The following ASB15 variants were observed in gnomAD, a reference collection of about 807,000 sequenced individuals.
ASB15 encodes ankyrin repeat and SOCS box protein 15.
In ASB15, 54 loss-of-function variants were observed where a neutral mutation model predicts 58.0. The observed-to-expected ratio is 0.93, with a 90% CI of 0.75 to 1.17. The LOEUF (loss-of-function observed/expected upper bound fraction) is 1.17. ASB15 is among the 50% of genes most tolerant of loss of function. The probability of loss-of-function intolerance (pLI) is 0.00; values close to 1 mark genes in which losing one functional copy is unlikely to be tolerated. For missense variants in ASB15, 680 were observed against 707.4 expected (o/e 0.96, Z 0.44); for synonymous variants, 249 against 262.4 (o/e 0.95, Z 0.50).
Position 123,602,629 on chromosome 7 carries a change from T to C in ASB15, c.-245+715T>C, listed in dbSNP as rs59845531. On this transcript the variant is annotated intron_variant, in intron 1 of 11. Coordinates refer to ENST00000451215, the MANE Select transcript of ASB15 (RefSeq NM_001290258.2). ...TAATTTATTGTGATAAAAATTATAA[T>C]TTTACACTTCAGTTATTTTATGAGA... Among the ~76,000 whole-genome samples, 1,141 of 152,322 alleles carry C rather than the reference T, an allele frequency of 7.5e-3. 15 individuals carry two copies. The highest frequency in any genetic ancestry group is 0.026 in the African/African-American group (1,089 of 41,582).
intron 3 of ASB15, chr7:123,612,227 CAGAT>C (rs1800507918): frequency 6.6e-6 from 1 of 152,190 alleles, no homozygotes; most frequent in Non-Finnish European, 1.5e-5. Context: ...TGCTGGCTGA[CAGAT>C]TCAGTACTTG....
chr7:123,576,445 C>T (rs1799067875), intron 1 of ASB15, among the ~76,000 whole-genome samples: 1 of 152,104 alleles, frequency 6.6e-6, no homozygotes, highest in South Asian at 2.1e-4. Context: ...AAAAGTTTTG[C>T]TTTTTTCTAT....
intron 3 of ASB15, among the ~76,000 whole-genome samples, chr7:123,613,492 G>T (rs1202291061): frequency 6.6e-6 from 1 of 152,100 alleles, no homozygotes; most frequent in African/African-American, 2.4e-5. Flanking sequence ...GAGTAAAATA[G>T]TAAATTCATT....
In ASB15 at chr7:123,601,922, T is replaced by G. The variant is rs1584754311; in HGVS notation, c.-245+8T>G. On this transcript the variant is annotated splice_region_variant and intron_variant, in intron 1 of 11. Transcript: ENST00000451215. ...AGATGATCATTCCAAAAGGTGAGAT[T>G]ATGAAATATTTGATCTGTACCTCAC... The G allele has an allele frequency of 6.6e-6, 1 of 152,172 alleles. No homozygotes were observed. Among genetic ancestry groups the G allele is most frequent in the South Asian group, 2.1e-4 (1 of 4,826 alleles). The allele number at this position is 152,172 out of a possible 1,614,324, so 9.4% of individuals were successfully genotyped here.
rs139504989 is a variant in ASB15 at position 123,627,570 on chromosome 7, C to T, written c.869+289C>T. On this transcript the variant is annotated intron_variant, in intron 9 of 11. Transcript: ENST00000451215. ...ATTCTGCACAAGCCACTCAAGAGTG[C>T]CTTTCTGTTTACAAATGTATTTAAC... 1.4e-3 allele frequency among the ~76,000 whole-genome samples: 210 copies of T among 152,286 alleles called. 1 individual carries two copies. Among genetic ancestry groups the T allele is most frequent in the African/African-American group, 4.8e-3 (198 of 41,558 alleles).
intron 1 of ASB15, among the ~76,000 whole-genome samples, chr7:123,568,468 C>T (rs959364650): frequency 6.7e-5 from 10 of 149,540 alleles, no homozygotes; most frequent in African/African-American, 2.5e-4. Flanking sequence ...TTGCAGTGAG[C>T]AGAGATCGTG....
intron 6 of ASB15, 82 bp from the exon 7 acceptor site, chr7:123,617,497 A>G: frequency 2.4e-6 from 3 of 1,242,960 alleles, no homozygotes; most frequent in Non-Finnish European, 3.4e-6. Context: ...TCCGATGTAT[A>G]TAATATTGGA....
chr7:123,631,525 T>G (rs1802115735), intron 11 of ASB15, among the ~76,000 whole-genome samples: 1 of 152,126 alleles, frequency 6.6e-6, no homozygotes, highest in African/African-American at 2.4e-5. Flanking sequence ...CCCTATGCAT[T>G]CTTGAAAACC....
At chr7:123,636,315 G>A (rs1802424662) in intron 11 of ASB15, among the ~76,000 whole-genome samples, 1 of 152,060 alleles carries the variant, frequency 6.6e-6, no homozygotes, top group African/African-American at 2.4e-5. Context: ...TATTTTTTGA[G>A]AATATACAAG....
At chr7:123,577,820 C>A (rs1246689721) in intron 1 of ASB15, among the ~76,000 whole-genome samples, 1 of 152,066 alleles carries the variant, frequency 6.6e-6, no homozygotes, top group African/African-American at 2.4e-5. Context: ...CAAAGACATT[C>A]TAGACATCAT....
intron 7 of ASB15, among the ~76,000 whole-genome samples, chr7:123,623,971 GAAAGAAAGAAAGAA>G (rs1801578950): frequency 7.4e-6 from 1 of 134,640 alleles, no homozygotes; most frequent in Non-Finnish European, 1.7e-5. Context: ...AAGAAAGAAA[GAAAGAAAGAAAGAA>G]AGAAAGAAAG....
Position 123,635,315 on chromosome 7 carries a change from C to T in ASB15, c.1595-1494C>T, listed in dbSNP as rs114933246. 7.8e-3 allele frequency among the ~76,000 whole-genome samples: 1,183 copies of T among 152,220 alleles called. 21 individuals carry two copies. The highest frequency in any genetic ancestry group is 0.027 in the African/African-American group (1,134 of 41,538). ...TAGATGTTCGACTAATAATTACTTA[C>T]ATAACTTATGAAACTATACATGTGT... On this transcript the variant is annotated intron_variant, in intron 11 of 11. Coordinates refer to ENST00000451215, the MANE Select transcript of ASB15 (RefSeq NM_001290258.2).
At chr7:123,600,743 G>C (rs1163427476), upstream of ASB15, among the ~76,000 whole-genome samples, 2 of 152,150 alleles carry the variant, frequency 1.3e-5, no homozygotes, top group Non-Finnish European at 2.9e-5. Context: ...TTAAAGAGGA[G>C]TTAGGACCTC....
intron 1 of ASB15, among the ~76,000 whole-genome samples, chr7:123,568,200 A>G (rs1562904353): frequency 6.6e-6 from 1 of 152,176 alleles, no homozygotes; most frequent in Non-Finnish European, 1.5e-5. Context: ...ATTGAGGTTA[A>G]ACATAGTTGT....
At chr7:123,603,639 A>T (rs1209216696) in intron 1 of ASB15, among the ~76,000 whole-genome samples, 1 of 152,212 alleles carries the variant, frequency 6.6e-6, no homozygotes, top group African/African-American at 2.4e-5. Context: ...GACATATAGA[A>T]GGCATGCTTA....
At chr7:123,619,128 CG>C (rs1435516287) in intron 7 of ASB15, among the ~76,000 whole-genome samples, 2 of 139,574 alleles carry the variant, frequency 1.4e-5, no homozygotes, top group Non-Finnish European at 3.0e-5. Flanking sequence ...TTCAGTGAGC[CG>C]AGATCGCACC....
chr7:123,616,163 G>A, intron 4 of ASB15, 58 bp from the exon 5 acceptor site: 6 of 1,344,166 alleles, frequency 4.5e-6, no homozygotes, highest in Non-Finnish European at 6.3e-6. Flanking sequence ...AAAATGTTTG[G>A]TTCCTTGAAC....
At chr7:123,608,802 T>C (rs970285343) in intron 3 of ASB15, 148 bp downstream of exon 3, 1 of 152,166 alleles carries the variant, frequency 6.6e-6, no homozygotes, top group African/African-American at 2.4e-5. Context: ...GCTATGCAAT[T>C]CTTTAAAAAT....
At chr7:123,626,620 C>A (rs1352158251) in intron 8 of ASB15, among the ~76,000 whole-genome samples, 1 of 152,182 alleles carries the variant, frequency 6.6e-6, no homozygotes, top group Non-Finnish European at 1.5e-5. Flanking sequence ...ATAAAACAAA[C>A]CATGCTGCAT....
Sources: gnomAD v4.1 joint callset for allele counts (sites outside exome capture counted in the v4.1 genomes callset) on GRCh38, gnomAD v4.1.1 for gene constraint, MANE v1.5 for transcripts, NCBI Gene and HGNC (gene_info 2026-07-23, HGNC 2026-07-21) for gene names.